Variants in SPECC1L observed in about 807,000 individuals in gnomAD.
SPECC1L encodes sperm antigen with calponin homology and coiled-coil domains 1 like, also known as cytospin-A.
Under a neutral mutation model 116.8 loss-of-function variants are expected in SPECC1L, and 40 were observed. The ratio of observed to expected loss-of-function variants is 0.34; its 90% CI spans 0.27 to 0.45. SPECC1L has a LOEUF of 0.45. Ranked by LOEUF, SPECC1L falls within the 20% of genes least tolerant of loss-of-function variation. The probability of loss-of-function intolerance (pLI) is 1.00; values close to 1 mark genes in which losing one functional copy is unlikely to be tolerated. For missense variants in SPECC1L, 1,110 were observed against 1,373.6 expected, an observed-to-expected ratio of 0.81 and a Z score of 3.03; for synonymous variants, 504 against 500.6, an observed-to-expected ratio of 1.01 and a Z score of -0.09.
chr22:24,281,319 A>C (rs1290634140), intron 2 of SPECC1L, among the ~76,000 whole-genome samples: 1 of 152,186 alleles, frequency 6.6e-6, no homozygotes, highest in Non-Finnish European at 1.5e-5. Flanking sequence ...TGTGTTTTAG[A>C]ATCAACTTGT....
At chr22:24,408,708 G>A (rs905139345) in intron 14 of SPECC1L, among the ~76,000 whole-genome samples, 2 of 152,266 alleles carry the variant, frequency 1.3e-5, no homozygotes, top group Admixed American at 6.5e-5. Flanking sequence ...AGATGTTCAG[G>A]TTAATGAGAG....
At chr22:24,319,199 A>G (rs1458352426) in intron 4 of SPECC1L, among the ~76,000 whole-genome samples, 1 of 152,192 alleles carries the variant, frequency 6.6e-6, no homozygotes, top group Admixed American at 6.5e-5. Flanking sequence ...TGAGTAATTC[A>G]TAAAGAAAAG....
chr22:24,311,171 T>C (rs866919184), intron 3 of SPECC1L, among the ~76,000 whole-genome samples: 1 of 152,254 alleles, frequency 6.6e-6, no homozygotes, highest in Non-Finnish European at 1.5e-5. Context: ...GGTGCCGTTA[T>C]GTGTATTTAA....
intron 14 of SPECC1L, among the ~76,000 whole-genome samples, chr22:24,393,543 C>T (rs905568487): frequency 6.6e-6 from 1 of 152,194 alleles, no homozygotes; most frequent in African/African-American, 2.4e-5. Context: ...TGTGCCTGGA[C>T]TGTATCCAGT....
chr22:24,394,650 A>G (rs1454217882), intron 14 of SPECC1L, among the ~76,000 whole-genome samples: 2 of 152,186 alleles, frequency 1.3e-5, no homozygotes, highest in Non-Finnish European at 2.9e-5. Context: ...TCACTTTACC[A>G]CCAGCAGTGA....
intron 3 of SPECC1L, chr22:24,304,259 C>T (rs538856356): frequency 6.6e-6 from 1 of 152,306 alleles, no homozygotes; most frequent in African/African-American, 2.4e-5. Flanking sequence ...ACCTGTGTGT[C>T]TGTCACTGCA....
chr22:24,355,702 A>T (rs1360709764), intron 11 of SPECC1L, among the ~76,000 whole-genome samples: 6 of 152,118 alleles, frequency 3.9e-5, no homozygotes, highest in African/African-American at 9.7e-5. Context: ...AAAGTTACTT[A>T]AGCCAGTTCC....
At chr22:24,279,226 C>T (rs892258342) in intron 2 of SPECC1L, among the ~76,000 whole-genome samples, 1 of 152,166 alleles carries the variant, frequency 6.6e-6, no homozygotes, top group Non-Finnish European at 1.5e-5. Context: ...TCTGGGTCAC[C>T]TAGAGTGGTT....
At chr22:24,356,677 G>A (rs1294689981) in intron 11 of SPECC1L, among the ~76,000 whole-genome samples, 1 of 152,088 alleles carries the variant, frequency 6.6e-6, no homozygotes. Flanking sequence ...ATTATGGTTA[G>A]ATTAAAATCT....
At chr22:24,363,855 G>A (rs1371314379) in intron 12 of SPECC1L, among the ~76,000 whole-genome samples, 1 of 127,256 alleles carries the variant, frequency 7.9e-6, no homozygotes, top group African/African-American at 3.0e-5. Flanking sequence ...CTAATGCAGA[G>A]TTACATTCTG....
intron 10 of SPECC1L, among the ~76,000 whole-genome samples, chr22:24,340,721 G>A (rs1234974602): frequency 1.3e-5 from 2 of 152,076 alleles, no homozygotes; most frequent in Non-Finnish European, 2.9e-5. Flanking sequence ...AGTACAGTGC[G>A]TCTCAAACCT....
intron 14 of SPECC1L, among the ~76,000 whole-genome samples, chr22:24,375,955 A>G (rs1189613113): frequency 1.3e-5 from 2 of 151,316 alleles, no homozygotes; most frequent in Non-Finnish European, 2.9e-5. Context: ...GTCTCAAAAC[A>G]AACAAACAAA....
intron 10 of SPECC1L, among the ~76,000 whole-genome samples, chr22:24,341,359 A>G (rs5751850): frequency 0.063 from 9,602 of 152,246 alleles, 906 homozygotes; most frequent in African/African-American, 0.19. Flanking sequence ...GAGCTATCAC[A>G]CAAACACTTC....
Position 24,324,382 on chromosome 22 carries a change from C to A in SPECC1L, c.2101C>A (p.Arg701Ser), listed in dbSNP as rs753492834. The part of the protein sequence containing the change: ...FELEDEVEQH[R>S]AVKLHDNLII... ...ACTTGAAGATGAAGTAGAACAACATCGTGCTGTGAAACTTCATGACAACCT... is the reference window on the plus strand; with the variant it reads ...ACTTGAAGATGAAGTAGAACAACATAGTGCTGTGAAACTTCATGACAACCT... The change falls in exon 6 of 17, where the codon CGT becomes AGT. Residue 701 changes from arginine (R) to serine (S), a missense_variant. Coordinates refer to ENST00000314328, the MANE Select transcript of SPECC1L (RefSeq NM_015330.6). The A allele has an allele frequency of 1.2e-6, 2 of 1,614,110 alleles. No homozygotes were observed. The highest frequency in any genetic ancestry group is 2.2e-5 in the South Asian group (2 of 91,072).
chr22:24,288,744 G>C (rs1297237431), intron 2 of SPECC1L, among the ~76,000 whole-genome samples: 1 of 144,280 alleles, frequency 6.9e-6, no homozygotes, highest in Non-Finnish European at 1.5e-5. Context: ...TCCTGCCTCA[G>C]CTTCCTCAGT....
chr22:24,306,573 G>A (rs1311608401), intron 3 of SPECC1L, among the ~76,000 whole-genome samples: 4 of 152,026 alleles, frequency 2.6e-5, no homozygotes, highest in African/African-American at 7.3e-5. Context: ...TTTAGAGACA[G>A]GGTCTCACTT....
chr22:24,359,316 C>T (rs1399332412), intron 11 of SPECC1L, among the ~76,000 whole-genome samples: 2 of 152,192 alleles, frequency 1.3e-5, no homozygotes, highest in Non-Finnish European at 2.9e-5. Context: ...TGTGTGCTTA[C>T]AGTTTCGAAA....
chr22:24,363,891 G>A (rs1217455490), intron 12 of SPECC1L, among the ~76,000 whole-genome samples: 4 of 111,374 alleles, frequency 3.6e-5, no homozygotes, highest in African/African-American at 1.4e-4. Flanking sequence ...AAATCATTGA[G>A]AAAATTTTAG....
At chr22:24,346,707 A>C (rs1311868282) in intron 10 of SPECC1L, among the ~76,000 whole-genome samples, 1 of 152,098 alleles carries the variant, frequency 6.6e-6, no homozygotes, top group Non-Finnish European at 1.5e-5. Context: ...CTTTATCTTG[A>C]CTGTATCAGT....
Sources: gnomAD v4.1 joint callset for allele counts (sites outside exome capture counted in the v4.1 genomes callset) on GRCh38, gnomAD v4.1.1 for gene constraint, MANE v1.5 for transcripts, NCBI Gene and HGNC (gene_info 2026-07-23, HGNC 2026-07-21) for gene names.